SNTG2: variants seen among roughly 807,000 people sequenced by gnomAD.
SNTG2 encodes gamma-2-syntrophin.
Under a neutral mutation model 70.9 loss-of-function variants are expected in SNTG2, and 74 were observed. The observed-to-expected ratio is 1.04, with a 90% CI of 0.86 to 1.27. The LOEUF (loss-of-function observed/expected upper bound fraction) is 1.27. Among genes scored for constraint, SNTG2 ranks in the 50% most tolerant of loss-of-function variants. The pLI is 0.00. For missense variants in SNTG2, 717 were observed against 690.7 expected, an observed-to-expected ratio of 1.04 and a Z score of -0.43; for synonymous variants, 278 against 273.8, an observed-to-expected ratio of 1.02 and a Z score of -0.15.
chr2:1,277,058 A>G lies in SNTG2; in HGVS notation c.1284+9487A>G, dbSNP rs557817443. Among the ~76,000 whole-genome samples, 24 of 152,352 alleles carry G rather than the reference A, an allele frequency of 1.6e-4. 1 individual carries two copies. In the South Asian group the frequency reaches 3.9e-3, roughly 25 times the overall value. ...AGTTACTCTTATGGATAAGCAAAGA[A>G]AGTGGTTTCTTGAGATGGAATCTAC... On this transcript the variant is annotated intron_variant, in intron 14 of 16. Coordinates refer to ENST00000308624, the MANE Select transcript of SNTG2 (RefSeq NM_018968.4).
intron 1 of SNTG2, among the ~76,000 whole-genome samples, chr2:999,775 A>G (rs1661806969): frequency 1.3e-5 from 2 of 151,978 alleles, no homozygotes; most frequent in African/African-American, 4.8e-5. Context: ...TGTGGACCAG[A>G]TGGACATAAC....
At chr2:1,227,544 C>T (rs1228855861) in intron 9 of SNTG2, among the ~76,000 whole-genome samples, 5 of 152,198 alleles carry the variant, frequency 3.3e-5, no homozygotes, top group Non-Finnish European at 7.3e-5. Context: ...TCCGCTCCGC[C>T]ACGAATCCGT....
At position 1,276,532 on chromosome 2, in the gene SNTG2, C is replaced by T. The variant is rs188364933; in HGVS notation, c.1284+8961C>T. Among the ~76,000 whole-genome samples the T allele has an allele frequency of 4.6e-5, 7 of 152,314 alleles. No homozygotes were observed. In the East Asian group the frequency reaches 1.3e-3, roughly 29 times the overall value. On this transcript the variant is annotated intron_variant, in intron 14 of 16. Coordinates refer to ENST00000308624, the MANE Select transcript of SNTG2 (RefSeq NM_018968.4). ...AATATTTTAAGCCCACTGTTGAGACCTACTGCTCAGAAAAAAAGATTCCTT... is the reference window on the plus strand; with the variant it reads ...AATATTTTAAGCCCACTGTTGAGACTTACTGCTCAGAAAAAAAGATTCCTT...
intron 1 of SNTG2, among the ~76,000 whole-genome samples, chr2:954,502 C>T (rs147548812): frequency 1.3e-5 from 2 of 152,170 alleles, no homozygotes; most frequent in Non-Finnish European, 2.9e-5. Context: ...TGTTGTCCAG[C>T]TGGTTACCGC....
intron 1 of SNTG2, among the ~76,000 whole-genome samples, chr2:1,080,047 C>T (rs771190818): frequency 7.7e-4 from 118 of 152,298 alleles, no homozygotes; most frequent in Middle Eastern, 6.8e-3. Flanking sequence ...TTATTAGTGC[C>T]GCCCCTGAGG....
At chr2:1,305,805 T>C (rs192286203) in intron 14 of SNTG2, among the ~76,000 whole-genome samples, 8 of 152,320 alleles carry the variant, frequency 5.3e-5, no homozygotes, top group Non-Finnish European at 8.8e-5. Context: ...TTGGAGATTA[T>C]GCAAATGCGT....
At chr2:1,042,098 T>C (rs182404301) in intron 1 of SNTG2, among the ~76,000 whole-genome samples, 1 of 152,334 alleles carries the variant, frequency 6.6e-6, no homozygotes, top group Non-Finnish European at 1.5e-5. Flanking sequence ...ATGATAGAAC[T>C]TGATTTCACA....
chr2:1,321,878 T>TTCCTTGCCTCCCTCCC (rs1415685573), intron 16 of SNTG2, among the ~76,000 whole-genome samples: 2,278 of 110,924 alleles, frequency 0.021, 55 homozygotes, highest in African/African-American at 0.062. Flanking sequence ...TCCTCCCTCC[T>TTCCTTGCCTCCCTCCC]TCCTTCCTTC....
Position 1,367,341 on chromosome 2 carries a change from A to G in SNTG2, c.1489-2A>G. The G allele has an allele frequency of 6.5e-7, 1 of 1,529,960 alleles. No individual in the cohort carries two copies. The highest frequency in any genetic ancestry group is 8.8e-7 in the Non-Finnish European group (1 of 1,138,572). 94.8% of individuals were successfully genotyped at this position (1,529,960 alleles called of 1,614,324 possible). ...AACACTTGATCTGATTTTCTCCTCC[A>G]GGAACTCGAGTTCCAGGACCTGAGG... On this transcript the variant is annotated splice_acceptor_variant, in intron 16 of 16. Coordinates refer to ENST00000308624, the MANE Select transcript of SNTG2 (RefSeq NM_018968.4). LOFTEE classifies it high-confidence loss of function.
At chr2:1,266,350 G>C (rs926830604) in intron 13 of SNTG2, among the ~76,000 whole-genome samples, 1 of 152,194 alleles carries the variant, frequency 6.6e-6, no homozygotes, top group Non-Finnish European at 1.5e-5. Flanking sequence ...TTGCAGATGG[G>C]GGAAAGAAGT....
intron 1 of SNTG2, among the ~76,000 whole-genome samples, chr2:958,902 A>G (rs1660259353): frequency 6.6e-6 from 1 of 152,232 alleles, no homozygotes; most frequent in Non-Finnish European, 1.5e-5. Flanking sequence ...TAAAACAATG[A>G]TGCTTGGGTA....
At chr2:963,119 T>C (rs1660407701) in intron 1 of SNTG2, among the ~76,000 whole-genome samples, 1 of 152,054 alleles carries the variant, frequency 6.6e-6, no homozygotes, top group Non-Finnish European at 1.5e-5. Context: ...CATCAGACTA[T>C]GATTTGAGCT....
At chr2:1,121,365 C>G (rs901111557) in intron 4 of SNTG2, among the ~76,000 whole-genome samples, 1 of 151,344 alleles carries the variant, frequency 6.6e-6, no homozygotes, top group Non-Finnish European at 1.5e-5. Flanking sequence ...CAAAGTAAAC[C>G]AAAAGTTTAC....
At chr2:1,349,796 T>C (rs919720879) in intron 16 of SNTG2, among the ~76,000 whole-genome samples, 1 of 152,174 alleles carries the variant, frequency 6.6e-6, no homozygotes, top group Non-Finnish European at 1.5e-5. Context: ...ACACAAACAG[T>C]GTAATTACCT....
intron 1 of SNTG2, among the ~76,000 whole-genome samples, chr2:1,018,536 A>G (rs1482698692): frequency 6.6e-6 from 1 of 151,982 alleles, no homozygotes; most frequent in Non-Finnish European, 1.5e-5. Flanking sequence ...GGGAGAGTGC[A>G]TGGTGGGCAG....
chr2:1,306,727 G>GTGCGCTGTGTGAGC (rs1680692077), intron 14 of SNTG2, among the ~76,000 whole-genome samples: 1 of 148,018 alleles, frequency 6.8e-6, no homozygotes, highest in Non-Finnish European at 1.5e-5. Context: ...ACTGTCAGCC[G>GTGCGCTGTGTGAGC]TGCGCTGTGT....
In SNTG2 at chr2:1,246,559, CTG is replaced by C. The variant is rs543685307; in HGVS notation, c.889-765_889-764del. Reference sequence around the variant, plus strand: ...TCATTTGGTAAAGTGGTTGGGATCTCTGTGATAACTTATTTTTATTTTTTTAA... The same window carrying C: ...TCATTTGGTAAAGTGGTTGGGATCTCTGATAACTTATTTTTATTTTTTTAA... On this transcript the variant is annotated intron_variant, in intron 11 of 16. Coordinates refer to ENST00000308624, the MANE Select transcript of SNTG2 (RefSeq NM_018968.4). Among the ~76,000 whole-genome samples the C allele has an allele frequency of 6.7e-4, 102 of 152,234 alleles. 1 individual carries two copies. Among genetic ancestry groups the C allele is most frequent in the African/African-American group, 2.4e-3 (101 of 41,538 alleles).
chr2:1,239,447 C>G (rs1444838492), intron 10 of SNTG2, among the ~76,000 whole-genome samples: 1 of 152,224 alleles, frequency 6.6e-6, no homozygotes, highest in Non-Finnish European at 1.5e-5. Context: ...GAGCAGAAAT[C>G]ATTTCCTCAC....
intron 4 of SNTG2, among the ~76,000 whole-genome samples, chr2:1,116,958 C>CTGGCGTGTGGGTGCT (rs1667047108): frequency 1.5e-5 from 2 of 136,778 alleles, no homozygotes; most frequent in Non-Finnish European, 3.1e-5. Context: ...GTGTGGGTGC[C>CTGGCGTGTGGGTGCT]TGGCGTGTGG....
Sources: allele counts gnomAD v4.1 joint callset (sites outside exome capture counted in the v4.1 genomes callset), GRCh38; gene constraint gnomAD v4.1.1; transcripts MANE v1.5; gene names NCBI Gene and HGNC (gene_info 2026-07-23, HGNC 2026-07-21).